TRPS1: variants seen among roughly 807,000 people sequenced by gnomAD.
TRPS1 encodes the protein zinc finger transcription factor Trps1.
Under a neutral mutation model 101.2 loss-of-function variants are expected in TRPS1, and 6 were observed. That is an observed-to-expected ratio of 0.06 (90% CI 0.03 to 0.12). TRPS1 has a LOEUF of 0.12. Among genes scored for constraint, TRPS1 ranks in the 10% least tolerant of loss-of-function variants. The pLI is 1.00. For missense variants in TRPS1, 1,363 were observed against 1,567.0 expected (o/e 0.87, Z 2.20); for synonymous variants, 578 against 589.8 (o/e 0.98, Z 0.29).
At chr8:115,550,461 A>G (rs1166526137) in intron 5 of TRPS1, among the ~76,000 whole-genome samples, 1 of 152,192 alleles carries the variant, frequency 6.6e-6, no homozygotes, top group African/African-American at 2.4e-5. Context: ...GAAGATAATC[A>G]TATTTAGTGG....
chr8:115,470,915 T>C (rs1165103653), intron 5 of TRPS1, among the ~76,000 whole-genome samples: 1 of 152,224 alleles, frequency 6.6e-6, no homozygotes, highest in Non-Finnish European at 1.5e-5. Flanking sequence ...TTCTAACTTT[T>C]CAGAGTTTAT....
intron 1 of TRPS1, among the ~76,000 whole-genome samples, chr8:115,628,607 A>G (rs1378730679): frequency 1.3e-5 from 2 of 151,884 alleles, no homozygotes; most frequent in Non-Finnish European, 2.9e-5. Flanking sequence ...ATGGGCAAAA[A>G]AAGTAAACAT....
At chr8:115,552,604 G>T (rs1816730193) in intron 5 of TRPS1, among the ~76,000 whole-genome samples, 1 of 152,104 alleles carries the variant, frequency 6.6e-6, no homozygotes, top group Non-Finnish European at 1.5e-5. Flanking sequence ...TTACAGTACA[G>T]AAATAAATAA....
In TRPS1 at chr8:115,506,729, C is replaced by G. The variant is rs528753698; in HGVS notation, c.2700+80272G>C. 6.6e-5 allele frequency among the ~76,000 whole-genome samples: 10 copies of G among 152,128 alleles called. No homozygotes were observed. The South Asian group carries it at 1.5e-3, about 22-fold the overall frequency. ...TTTCTTGAACTAACTAGTGTTCATA[C>G]AACACAGGTAGTTTTATTTGTGCCT... On this transcript the variant is annotated intron_variant, in intron 5 of 6. Transcript: ENST00000395715.
Position 115,623,696 on chromosome 8 carries a change from A to C in TRPS1, c.-59T>G. On this transcript the variant is annotated 5_prime_UTR_variant, in exon 2 of 7. Transcript: ENST00000395715. ...CTATTAGTCAACTAGCAGGAGGCTA[A>C]TGCAATTGTCTTAGAAGACGCTCAG... 1.3e-6 allele frequency: 2 copies of C among 1,596,252 alleles called. No homozygotes were observed. The highest frequency in any genetic ancestry group is 8.5e-7 in the Non-Finnish European group (1 of 1,170,218).
At chr8:115,455,094 A>G (rs1021600713) in intron 5 of TRPS1, among the ~76,000 whole-genome samples, 3 of 152,218 alleles carry the variant, frequency 2.0e-5, no homozygotes, top group Admixed American at 6.5e-5. Context: ...ATATTGTCAC[A>G]TTACCTTCCT....
intron 5 of TRPS1, among the ~76,000 whole-genome samples, chr8:115,485,308 C>T (rs936007548): frequency 1.3e-5 from 2 of 152,172 alleles, no homozygotes. Flanking sequence ...AATGAATTCT[C>T]CCAACAACCA....
chr8:115,595,866 T>C (rs961543814), intron 4 of TRPS1, among the ~76,000 whole-genome samples: 3 of 148,764 alleles, frequency 2.0e-5, no homozygotes, highest in African/African-American at 7.3e-5. Flanking sequence ...TGAGGTTTTA[T>C]TTGTTTGTTT....
intron 4 of TRPS1, among the ~76,000 whole-genome samples, chr8:115,599,993 C>T (rs1817874132): frequency 6.6e-6 from 1 of 152,172 alleles, no homozygotes; most frequent in Non-Finnish European, 1.5e-5. Flanking sequence ...CACATCCTCA[C>T]CAGCATCTGT....
chr8:115,567,186 T>A (rs747937892), intron 5 of TRPS1, among the ~76,000 whole-genome samples: 1 of 152,114 alleles, frequency 6.6e-6, no homozygotes, highest in East Asian at 1.9e-4. Context: ...ATAAAAAGAT[T>A]CACCACATGT....
intron 5 of TRPS1, among the ~76,000 whole-genome samples, chr8:115,498,713 A>T (rs1278609083): frequency 6.6e-6 from 1 of 152,038 alleles, no homozygotes; most frequent in East Asian, 1.9e-4. Context: ...GCCTGAAAAC[A>T]CTAAAGGAAC....
chr8:115,455,854 A>G (rs800887), intron 5 of TRPS1, among the ~76,000 whole-genome samples: 70,932 of 144,052 alleles, frequency 0.49, 18,572 homozygotes, highest in African/African-American at 0.69. Context: ...GTGTGATCTC[A>G]GCTCACTGCA....
intron 1 of TRPS1, among the ~76,000 whole-genome samples, chr8:115,644,282 T>C (rs947301881): frequency 1.3e-5 from 2 of 152,218 alleles, no homozygotes; most frequent in African/African-American, 4.8e-5. Context: ...GCCACTTTCA[T>C]CACTGATCTT....
intron 4 of TRPS1, among the ~76,000 whole-genome samples, chr8:115,597,869 A>G (rs1460172881): frequency 2.6e-5 from 4 of 152,048 alleles, no homozygotes; most frequent in African/African-American, 9.7e-5. Context: ...AGATACCTCA[A>G]TTTTCCTTTA....
At chr8:115,664,087 G>T (rs1383278739) in intron 1 of TRPS1, among the ~76,000 whole-genome samples, 2 of 152,016 alleles carry the variant, frequency 1.3e-5, no homozygotes, top group African/African-American at 4.8e-5. Flanking sequence ...ACAAACAAAT[G>T]ACTTTGGCCC....
intron 2 of TRPS1, among the ~76,000 whole-genome samples, chr8:115,622,399 A>G (rs1301345066): frequency 6.6e-6 from 1 of 152,204 alleles, no homozygotes; most frequent in Non-Finnish European, 1.5e-5. Flanking sequence ...CTAAATGAGC[A>G]AACTGAAAAA....
At chr8:115,596,938 A>C (rs529413655) in intron 4 of TRPS1, among the ~76,000 whole-genome samples, 1 of 151,914 alleles carries the variant, frequency 6.6e-6, no homozygotes, top group Non-Finnish European at 1.5e-5. Context: ...AATTATTCTT[A>C]TAAGATTCAT....
At chr8:115,646,626 T>G (rs903435017) in intron 1 of TRPS1, among the ~76,000 whole-genome samples, 3 of 152,178 alleles carry the variant, frequency 2.0e-5, no homozygotes, top group Non-Finnish European at 4.4e-5. Flanking sequence ...GAAAAATATA[T>G]GGTGGACCTA....
chr8:115,559,620 A>C (rs974175127), intron 5 of TRPS1, among the ~76,000 whole-genome samples: 2 of 152,150 alleles, frequency 1.3e-5, no homozygotes, highest in African/African-American at 4.8e-5. Context: ...TGTTTATTGA[A>C]TGTGTGAATG....
Sources: gnomAD v4.1 joint callset for allele counts (sites outside exome capture counted in the v4.1 genomes callset) on GRCh38, gnomAD v4.1.1 for gene constraint, MANE v1.5 for transcripts, NCBI Gene and HGNC (gene_info 2026-07-23, HGNC 2026-07-21) for gene names.